Variants in PALLD observed in about 807,000 individuals in gnomAD.
The protein encoded by PALLD is palladin, cytoskeletal associated protein.
In PALLD, 61 loss-of-function variants were observed where a neutral mutation model predicts 123.5. The ratio of observed to expected loss-of-function variants is 0.49; its 90% CI spans 0.40 to 0.61. PALLD has a LOEUF of 0.61. PALLD is among the 20% of genes least tolerant of loss of function. The pLI is 0.00. For missense variants in PALLD, 1,273 were observed against 1,377.0 expected (o/e 0.92, Z 1.20); for synonymous variants, 465 against 496.4 (o/e 0.94, Z 0.84).
chr4:168,679,915 T>C (rs1781373444), intron 3 of PALLD, among the ~76,000 whole-genome samples: 1 of 152,014 alleles, frequency 6.6e-6, no homozygotes, highest in Non-Finnish European at 1.5e-5. Flanking sequence ...CTACACTGGA[T>C]GGTAGACACA....
intron 10 of PALLD, among the ~76,000 whole-genome samples, chr4:168,818,467 G>T (rs965860218): frequency 1.3e-5 from 2 of 152,144 alleles, no homozygotes; most frequent in African/African-American, 4.8e-5. Context: ...AGACGTGGCG[G>T]TGCACACCTG....
intron 10 of PALLD, among the ~76,000 whole-genome samples, chr4:168,882,415 C>T (rs1332186013): frequency 2.0e-5 from 3 of 152,110 alleles, no homozygotes; most frequent in Non-Finnish European, 4.4e-5. Context: ...ATCAGAATCC[C>T]CGAGTCAAGG....
chr4:168,633,469 C>T (rs1776034272), intron 2 of PALLD, among the ~76,000 whole-genome samples: 1 of 152,216 alleles, frequency 6.6e-6, no homozygotes, highest in Non-Finnish European at 1.5e-5. Flanking sequence ...AACTAGTAGA[C>T]ATGAGTGTCT....
At chr4:168,911,097 T>C (rs970152897) in intron 15 of PALLD, among the ~76,000 whole-genome samples, 9 of 152,178 alleles carry the variant, frequency 5.9e-5, no homozygotes, top group Admixed American at 2.6e-4. Context: ...TTAGGTTACA[T>C]CATTTAACCC....
intron 14 of PALLD, among the ~76,000 whole-genome samples, chr4:168,902,038 G>C (rs973533077): frequency 2.0e-5 from 3 of 152,132 alleles, no homozygotes; most frequent in African/African-American, 7.2e-5. Context: ...AGTTTGAAAA[G>C]TTAGAGCAGT....
chr4:168,761,825 C>G (rs1263187185), intron 10 of PALLD, among the ~76,000 whole-genome samples: 2 of 151,756 alleles, frequency 1.3e-5, no homozygotes, highest in Non-Finnish European at 1.5e-5. Flanking sequence ...ATATTCTATT[C>G]TAGTGTCAGT....
At chr4:168,698,387 A>G (rs995048452) in intron 8 of PALLD, among the ~76,000 whole-genome samples, 45 of 151,844 alleles carry the variant, frequency 3.0e-4, no homozygotes, top group Admixed American at 2.3e-3. Flanking sequence ...GTATAATTGG[A>G]TTGAATAACT....
chr4:168,781,377 G>A (rs1581437190), intron 10 of PALLD, among the ~76,000 whole-genome samples: 1 of 152,188 alleles, frequency 6.6e-6, no homozygotes, highest in East Asian at 1.9e-4. Flanking sequence ...ATGGAAAAGG[G>A]CAAACCAGGA....
chr4:168,771,892 C>G (rs1329589519), intron 10 of PALLD, among the ~76,000 whole-genome samples: 1 of 152,114 alleles, frequency 6.6e-6, no homozygotes, highest in Admixed American at 6.6e-5. Context: ...GCTTGCTAAT[C>G]AAGAGAGAAC....
chr4:168,511,867 A>G lies in PALLD; in HGVS notation c.363A>G (p.Lys121=). 1 of 1,613,934 alleles carries G rather than the reference A, an allele frequency of 6.2e-7. No individual in the cohort carries two copies. The highest frequency in any genetic ancestry group is 8.5e-7 in the Non-Finnish European group (1 of 1,179,982). The change falls in exon 2 of 22, where the codon AAA becomes AAG. Residue 121 remains lysine, a synonymous_variant. Coordinates refer to ENST00000505667, the MANE Select transcript of PALLD (RefSeq NM_001166108.2). ...KSISSPVSKR[K]PAMSPLLTRP... ...TCTCTTCACCTGTTTCAAAGAGGAAACCTGCCATGTCACCCCTGCTCACCA... is the reference window on the plus strand; with the variant it reads ...TCTCTTCACCTGTTTCAAAGAGGAAGCCTGCCATGTCACCCCTGCTCACCA...
At chr4:168,568,415 T>C (rs2149599370) in intron 2 of PALLD, among the ~76,000 whole-genome samples, 1 of 152,226 alleles carries the variant, frequency 6.6e-6, no homozygotes, top group South Asian at 2.1e-4. Flanking sequence ...TATATGAAGT[T>C]CAATTCAGGA....
intron 8 of PALLD, chr4:168,700,031 T>C (rs1215923155): frequency 3.1e-6 from 1 of 318,700 alleles, no homozygotes; most frequent in Non-Finnish European, 6.3e-6. Flanking sequence ...GTCTTATACG[T>C]CTTTGTTCGA....
At chr4:168,592,137 C>A (rs571065452) in intron 2 of PALLD, among the ~76,000 whole-genome samples, 1 of 151,890 alleles carries the variant, frequency 6.6e-6, no homozygotes, top group Non-Finnish European at 1.5e-5. Flanking sequence ...CTGCCTCAGC[C>A]TCCTGAGTAG....
At chr4:168,739,219 A>AC (rs1788083142) in intron 10 of PALLD, among the ~76,000 whole-genome samples, 1 of 152,260 alleles carries the variant, frequency 6.6e-6, no homozygotes, top group Non-Finnish European at 1.5e-5. Context: ...ACAGTGCTGC[A>AC]GTAAACATGG....
At chr4:168,691,513 C>G (rs1480383347) in intron 8 of PALLD, among the ~76,000 whole-genome samples, 1 of 152,144 alleles carries the variant, frequency 6.6e-6, no homozygotes, top group Non-Finnish European at 1.5e-5. Flanking sequence ...ACATTAAGTT[C>G]CATTCAGACA....
intron 3 of PALLD, among the ~76,000 whole-genome samples, chr4:168,673,400 T>C (rs1780491324): frequency 6.6e-6 from 1 of 151,984 alleles, no homozygotes; most frequent in South Asian, 2.1e-4. Flanking sequence ...AGGGAACAAA[T>C]GCCCTGGTGA....
At chr4:168,561,444 T>A (rs1298095183) in intron 2 of PALLD, among the ~76,000 whole-genome samples, 1 of 152,002 alleles carries the variant, frequency 6.6e-6, no homozygotes, top group Non-Finnish European at 1.5e-5. Flanking sequence ...AGCTAATTTT[T>A]AAATTTTTTT....
chr4:168,764,700 TCA>T (rs1733423827), intron 10 of PALLD, among the ~76,000 whole-genome samples: 2 of 152,136 alleles, frequency 1.3e-5, no homozygotes, highest in Non-Finnish European at 2.9e-5. Flanking sequence ...CAGATTCTTC[TCA>T]GATTCAAAGA....
intron 2 of PALLD, among the ~76,000 whole-genome samples, chr4:168,655,757 C>A (rs888881592): frequency 6.6e-6 from 1 of 152,198 alleles, no homozygotes; most frequent in South Asian, 2.1e-4. Context: ...GGGGGTTTCA[C>A]TAATGAACTC....
Sources: allele counts gnomAD v4.1 joint callset (sites outside exome capture counted in the v4.1 genomes callset), GRCh38; gene constraint gnomAD v4.1.1; transcripts MANE v1.5; gene names NCBI Gene and HGNC (gene_info 2026-07-23, HGNC 2026-07-21).